LYSMD4: variants seen among roughly 807,000 people sequenced by gnomAD.
LYSMD4 encodes the protein lysM and putative peptidoglycan-binding domain-containing protein 4.
Under a neutral mutation model 6.1 loss-of-function variants are expected in LYSMD4, and 9 were observed. The ratio of observed to expected loss-of-function variants is 1.47; its 90% CI spans 0.88 to 2.56. The LOEUF is 2.56. LYSMD4 is among the 30% of genes most tolerant of loss of function. LYSMD4 has a pLI of 0.00. For missense variants in LYSMD4, 384 were observed against 373.5 expected, an observed-to-expected ratio of 1.03 and a Z score of -0.23; for synonymous variants, 143 against 148.5, an observed-to-expected ratio of 0.96 and a Z score of 0.27.
chr15:99,729,697 C>G lies in LYSMD4; in HGVS notation c.317G>C (p.Arg106Thr), dbSNP rs2059356003. The G allele has an allele frequency of 6.2e-7, 1 of 1,612,012 alleles. No individual in the cohort carries two copies. Among genetic ancestry groups the G allele is most frequent in the South Asian group, 1.1e-5 (1 of 91,020 alleles). Residue 106 changes from arginine (R) to threonine (T), a missense_variant, in exon 3 of 3, where the codon AGA (arginine) becomes ACA (threonine). By Grantham distance (71) the Arg-to-Thr change is moderately conservative (BLOSUM62 -1). Transcript: ENST00000684762. Reference protein sequence around the residue: ...ADIKKVNNFIREQDLYALKSV... With the variant: ...ADIKKVNNFITEQDLYALKSV... ...TTTCAAAGCATATAAGTCTTGTTCT[C>G]TGATGAAGTTGTTGACTTTCTTGAT...
downstream of LYSMD4, among the ~76,000 whole-genome samples, chr15:99,726,908 G>C (rs72760586): frequency 0.11 from 16,718 of 152,110 alleles, 1,053 homozygotes; most frequent in East Asian, 0.22. Context: ...ATCATCCCTA[G>C]AGCACTGGTC....
chr15:99,729,055 C>A lies in LYSMD4; in HGVS notation c.*68G>T. 6.3e-7 allele frequency: 1 copy of A among 1,581,608 alleles called. No homozygotes were observed. The stretch of plus-strand genomic sequence containing the variant: ...GCAAAATGCAGCACCCCTAGGACAT[C>A]GCCAGTGACAGCTGAGGCACATCAA... On this transcript the variant is annotated 3_prime_UTR_variant, in exon 3 of 3. Transcript: ENST00000684762.
At chr15:99,720,807 C>T (rs2059232072), upstream of LYSMD4, 1 of 152,238 alleles carries the variant, frequency 6.6e-6, no homozygotes, top group Admixed American at 6.5e-5. Context: ...ATCCAGGAAT[C>T]TTCCCTCCAG....
chr15:99,716,007 C>T (rs1006512681), exon 1 of LYSMD4: 1 of 154,548 alleles, frequency 6.5e-6, no homozygotes, highest in African/African-American at 2.4e-5. Flanking sequence ...TATTAACCAT[C>T]ATGCGCACAA....
chr15:99,725,569 C>A (rs2059271756), downstream of LYSMD4, among the ~76,000 whole-genome samples: 1 of 152,176 alleles, frequency 6.6e-6, no homozygotes, highest in African/African-American at 2.4e-5. Flanking sequence ...CACAAGGGGC[C>A]TGGTTCACTG....
intron 1 of LYSMD4, chr15:99,732,995 A>C: frequency 8.1e-6 from 1 of 123,450 alleles, no homozygotes; most frequent in Non-Finnish European, 1.4e-5. Flanking sequence ...GGGCGGCGGC[A>C]GCAGCTCCAG....
rs1315373274 is a variant in LYSMD4 at position 99,727,778 on chromosome 15, TTCTCC to T, written c.*1340_*1344del. ...TTACATGGTGAGACCTTTGATACTTTTCTCCAGGCCTCATGAGTCAAAGGCCATCA... is the reference window on the plus strand; with the variant it reads ...TTACATGGTGAGACCTTTGATACTTTAGGCCTCATGAGTCAAAGGCCATCA... On this transcript the variant is annotated 3_prime_UTR_variant, in exon 3 of 3. Transcript: ENST00000684762. 6.6e-6 allele frequency: 1 copy of T among 152,238 alleles called. No homozygotes were observed. The highest frequency in any genetic ancestry group is 1.5e-5 in the Non-Finnish European group (1 of 68,058). The allele number at this position is 152,238 out of a possible 1,614,324, so 9.4% of individuals were successfully genotyped here.
In LYSMD4 at chr15:99,731,937, C is replaced by A; in HGVS notation, c.63G>T (p.Pro21=). ...FQGPAVVCGT[P]TSHVYMFKNG... ...TCTTAAACATGTATACGTGGCTGGT[C>A]GGAGTCCCACACACAACAGCTGGGC... is the stretch of plus-strand genomic sequence containing the variant. Residue 21 remains proline, a synonymous_variant, in exon 2 of 3, where the codon CCG becomes CCT. Transcript: ENST00000684762. The A allele has an allele frequency of 6.2e-7, 1 of 1,611,852 alleles. No homozygotes were observed. The highest frequency in any genetic ancestry group is 8.5e-7 in the Non-Finnish European group (1 of 1,179,268).
rs1483825891 is a variant in LYSMD4, at chr15:99,731,919, C to T, written c.81G>A (p.Met27Ile). 6.2e-7 allele frequency: 1 copy of T among 1,613,366 alleles called. No homozygotes were observed. Reference sequence around the variant, plus strand: ...CCGAGTCCCCACTGCCATTCTTAAACATGTATACGTGGCTGGTCGGAGTCC... The same window carrying T: ...CCGAGTCCCCACTGCCATTCTTAAATATGTATACGTGGCTGGTCGGAGTCC... ...VCGTPTSHVY[M>I]FKNGSGDSGD... is the part of the protein sequence containing the mutation. Residue 27 changes from methionine (M) to isoleucine (I), a missense_variant, in exon 2 of 3, where the codon ATG (methionine) becomes ATA (isoleucine). Coordinates refer to ENST00000684762, the MANE Select transcript of LYSMD4 (RefSeq NM_001284417.2).
At chr15:99,720,238 G>T (rs2059227942), upstream of LYSMD4, among the ~76,000 whole-genome samples, 1 of 152,202 alleles carries the variant, frequency 6.6e-6, no homozygotes, top group African/African-American at 2.4e-5. Context: ...ACGTACTCTT[G>T]TTCTAGTATG....
chr15:99,728,871 T>C lies in LYSMD4; in HGVS notation c.*252A>G. On this transcript the variant is annotated 3_prime_UTR_variant, in exon 3 of 3. Transcript: ENST00000684762. Reference sequence around the variant, plus strand: ...TATGAACTGGCCAGTCCACTAAATGTCACAGGGAAATGGCTCTCTTGCTGC... The same window carrying C: ...TATGAACTGGCCAGTCCACTAAATGCCACAGGGAAATGGCTCTCTTGCTGC... The C allele has an allele frequency of 3.7e-6, 2 of 536,252 alleles. No individual in the cohort carries two copies. The highest frequency in any genetic ancestry group is 6.7e-6 in the Non-Finnish European group (2 of 298,478). The allele number at this position is 536,252 out of a possible 1,614,324, so 33.2% of individuals were successfully genotyped here.
downstream of LYSMD4, among the ~76,000 whole-genome samples, chr15:99,724,069 G>A (rs1024053949): frequency 4.0e-5 from 6 of 150,734 alleles, no homozygotes; most frequent in Non-Finnish European, 1.5e-5. Flanking sequence ...CTAGGCCTTC[G>A]CTCACACTGG....
chr15:99,716,588 G>A (rs1194046088), exon 1 of LYSMD4: 8 of 456,536 alleles, frequency 1.8e-5, no homozygotes, highest in South Asian at 6.2e-5. Flanking sequence ...TTCCTTTCAC[G>A]AAGACCTTTT....
Position 99,729,460 on chromosome 15 carries a change from A to G in LYSMD4, c.554T>C (p.Ile185Thr). 6.2e-7 allele frequency: 1 copy of G among 1,614,148 alleles called. No individual in the cohort carries two copies. The highest frequency in any genetic ancestry group is 8.5e-7 in the Non-Finnish European group (1 of 1,180,020). ...CATGCAGTAACTTTCATGTAGAAAG[A>G]TTTCTGACTGCACTGCACGCTCAAT... is the stretch of plus-strand genomic sequence containing the variant. ...QDIERAVQSE[I>T]FLHESYCMDT... The change falls in exon 3 of 3, where the codon ATC becomes ACC. Residue 185 changes from isoleucine (I) to threonine (T), a missense_variant. Physicochemically the swap from Ile to Thr is moderately conservative, Grantham distance 89 (BLOSUM62 -1). Coordinates refer to ENST00000684762, the MANE Select transcript of LYSMD4 (RefSeq NM_001284417.2).
At chr15:99,724,170 G>A (rs562322145), downstream of LYSMD4, among the ~76,000 whole-genome samples, 2 of 151,128 alleles carry the variant, frequency 1.3e-5, no homozygotes, top group Admixed American at 6.5e-5. Flanking sequence ...ATCTCCTCCA[G>A]ATGTTTTATT....
rs760244709 is a variant in LYSMD4 at position 99,728,638 on chromosome 15, C to T, written c.*485G>A. The T allele has an allele frequency of 9.7e-5, 17 of 175,304 alleles. No individual in the cohort carries two copies. The highest frequency in any genetic ancestry group is 1.8e-4 in the Non-Finnish European group (14 of 79,624). The allele number at this position is 175,304 out of a possible 1,614,324, so 10.9% of individuals were successfully genotyped here. ...ACTGTCACTCTCTAAAACAGGGTGG[C>T]ATGCCAAGCCTATTCCACAGCACCT... On this transcript the variant is annotated 3_prime_UTR_variant, in exon 3 of 3. Transcript: ENST00000684762.
chr15:99,716,327 A>G, exon 1 of LYSMD4: 1 of 349,584 alleles, frequency 2.9e-6, no homozygotes, highest in East Asian at 7.5e-5. Context: ...TTTAAGAAAA[A>G]TAAGTTAATC....
upstream of LYSMD4, among the ~76,000 whole-genome samples, chr15:99,721,731 T>C (rs1265273937): frequency 6.6e-6 from 1 of 152,218 alleles, no homozygotes; most frequent in South Asian, 2.1e-4. Context: ...TATGATATTC[T>C]GTTTCTGGCC....
At chr15:99,729,859 T>C in intron 2 of LYSMD4, 128 bp from the exon 3 acceptor site, 2 of 1,201,766 alleles carry the variant, frequency 1.7e-6, no homozygotes, top group Non-Finnish European at 2.3e-6. Flanking sequence ...TGATGAAGAC[T>C]GGAAAACTGC....
Sources: allele counts gnomAD v4.1 joint callset (sites outside exome capture counted in the v4.1 genomes callset), GRCh38; gene constraint gnomAD v4.1.1; transcripts MANE v1.5; gene names NCBI Gene and HGNC (gene_info 2026-07-23, HGNC 2026-07-21).